Variants in SND1 observed in about 807,000 individuals in gnomAD.
SND1 encodes staphylococcal nuclease domain-containing protein 1.
A neutral mutation model predicts 121.7 loss-of-function variants in SND1; 38 were observed. The ratio of observed to expected loss-of-function variants is 0.31; its 90% CI spans 0.24 to 0.41. The LOEUF (loss-of-function observed/expected upper bound fraction) is 0.41. SND1 is among the 10% of genes least tolerant of loss of function. The pLI, the probability that SND1 is intolerant of heterozygous loss-of-function variation, is 1.00. For synonymous variants in SND1, 401 were observed against 447.4 expected, an observed-to-expected ratio of 0.90 and a Z score of 1.31; for missense variants, 868 against 1,184.6, an observed-to-expected ratio of 0.73 and a Z score of 3.92.
intron 10 of SND1, among the ~76,000 whole-genome samples, chr7:127,735,503 A>G (rs1188570237): frequency 6.6e-6 from 1 of 152,120 alleles, no homozygotes; most frequent in Non-Finnish European, 1.5e-5. Flanking sequence ...GCTTCAGGCT[A>G]GGAGTTCCAG....
At chr7:128,057,571 T>C (rs1793163321) in intron 16 of SND1, among the ~76,000 whole-genome samples, 1 of 152,128 alleles carries the variant, frequency 6.6e-6, no homozygotes, top group Admixed American at 6.5e-5. Flanking sequence ...TACAGATCTC[T>C]AGCCATTTAC....
intron 15 of SND1, among the ~76,000 whole-genome samples, chr7:127,936,712 ATTG>A (rs1477718784): frequency 6.6e-6 from 1 of 151,600 alleles, no homozygotes; most frequent in Non-Finnish European, 1.5e-5. Flanking sequence ...CCTGGCTAAT[ATTG>A]TTTTATTTTT....
At position 128,086,973 on chromosome 7, in the gene SND1, A is replaced by G; in HGVS notation, c.2340A>G (p.Leu780=). The change falls in exon 21 of 24, where the codon CTA becomes CTG. Residue 780 remains leucine (L), a synonymous_variant. Coordinates refer to ENST00000354725, the MANE Select transcript of SND1 (RefSeq NM_014390.4). ...EVLPSTRLGT[L]SPAFSTRVLP... ...TGCCATCCACCCGCCTGGGTACCCT[A>G]TCACCTGCCTTCAGCACTCGGGTGC... 3 of 1,614,166 alleles carry G rather than the reference A, an allele frequency of 1.9e-6. No individual in the cohort carries two copies. Among genetic ancestry groups the G allele is most frequent in the East Asian group, 4.5e-5 (2 of 44,888 alleles).
At chr7:127,819,086 TA>T (rs1233400700) in intron 11 of SND1, among the ~76,000 whole-genome samples, 1 of 152,214 alleles carries the variant, frequency 6.6e-6, no homozygotes, top group Non-Finnish European at 1.5e-5. Context: ...CTTGTGTTTG[TA>T]ATAGTATAGG....
At chr7:127,721,836 G>A (rs1215807037) in intron 10 of SND1, among the ~76,000 whole-genome samples, 7 of 152,276 alleles carry the variant, frequency 4.6e-5, no homozygotes, top group Non-Finnish European at 1.0e-4. Flanking sequence ...ATGAATCTTG[G>A]TATATGTATT....
At chr7:127,888,677 C>G (rs994876173) in intron 13 of SND1, among the ~76,000 whole-genome samples, 2 of 152,134 alleles carry the variant, frequency 1.3e-5, no homozygotes, top group African/African-American at 4.8e-5. Context: ...GATTCCCAGA[C>G]TTCCTGGGAA....
intron 1 of SND1, among the ~76,000 whole-genome samples, chr7:127,660,808 G>C (rs1795295413): frequency 6.6e-6 from 1 of 152,006 alleles, no homozygotes; most frequent in African/African-American, 2.4e-5. Flanking sequence ...ATCCTTTCTG[G>C]GAGTAGATTC....
intron 12 of SND1, among the ~76,000 whole-genome samples, chr7:127,884,226 T>C (rs2116724008): frequency 6.6e-6 from 1 of 152,258 alleles, no homozygotes; most frequent in African/African-American, 2.4e-5. Context: ...TATCTTGTAC[T>C]GTCTTCCCCA....
At chr7:127,786,836 G>T (rs1797822383) in intron 10 of SND1, among the ~76,000 whole-genome samples, 1 of 152,112 alleles carries the variant, frequency 6.6e-6, no homozygotes, top group South Asian at 2.1e-4. Context: ...TAGAGACGGG[G>T]TTTCACCGTG....
At chr7:127,715,879 G>C (rs772862056) in intron 9 of SND1, among the ~76,000 whole-genome samples, 8 of 152,110 alleles carry the variant, frequency 5.3e-5, no homozygotes, top group Non-Finnish European at 1.2e-4. Flanking sequence ...TCCATTTTGA[G>C]TTTGTTTTTA....
rs889135212 is a variant in SND1, at chr7:127,741,529, C to T, written c.1152+20129C>T. On this transcript the variant is annotated intron_variant, in intron 10 of 23. Transcript: ENST00000354725. The stretch of plus-strand genomic sequence containing the variant: ...GGAGTGGAGTGCAGGCCTTGTTGTA[C>T]CGCAGGTGACTCTAATTCTGAAAGA... Among the ~76,000 whole-genome samples the T allele has an allele frequency of 3.6e-4, 55 of 152,160 alleles. 1 individual carries two copies. The highest frequency in any genetic ancestry group is 1.3e-4 in the Admixed American group (2 of 15,270).
At chr7:127,908,317 AATGTGTGTGT>A (rs1329410821) in intron 14 of SND1, among the ~76,000 whole-genome samples, 1 of 78,730 alleles carries the variant, frequency 1.3e-5, no homozygotes, top group Non-Finnish European at 2.5e-5. Context: ...AATAATAATA[AATGTGTGTGT>A]GTGTGTGTGT....
chr7:127,717,200 A>G (rs1587616777), intron 9 of SND1, among the ~76,000 whole-genome samples: 1 of 152,176 alleles, frequency 6.6e-6, no homozygotes, highest in South Asian at 2.1e-4. Flanking sequence ...TATTTTTGTT[A>G]TAGTTAGTAT....
chr7:127,791,871 C>T (rs745430004), intron 10 of SND1, among the ~76,000 whole-genome samples: 7 of 152,162 alleles, frequency 4.6e-5, no homozygotes, highest in African/African-American at 7.2e-5. Flanking sequence ...ATAGTAACCA[C>T]GTTGACACAT....
Position 127,739,689 on chromosome 7 carries a change from G to A in SND1, c.1152+18289G>A, listed in dbSNP as rs539346586. On this transcript the variant is annotated intron_variant, in intron 10 of 23. Transcript: ENST00000354725. ...ACTCCTGATTCCCAGGGACAGCCAT[G>A]GAAGAGATGTAGAAGTAAAATGCCA... Among the ~76,000 whole-genome samples, 5 of 152,320 alleles carry A rather than the reference G, an allele frequency of 3.3e-5. No homozygotes were observed. In the South Asian group the frequency reaches 1.0e-3, roughly 32 times the overall value.
At chr7:127,852,575 T>C (rs1259078724) in intron 12 of SND1, among the ~76,000 whole-genome samples, 2 of 151,816 alleles carry the variant, frequency 1.3e-5, no homozygotes, top group African/African-American at 2.4e-5. Flanking sequence ...TTTGGGAGGC[T>C]GAGGCGGGCA....
At chr7:128,072,217 G>T (rs906376964) in intron 16 of SND1, among the ~76,000 whole-genome samples, 3 of 152,206 alleles carry the variant, frequency 2.0e-5, no homozygotes, top group Admixed American at 6.5e-5. Context: ...CCTCTGCAGC[G>T]TATCTCTGAC....
intron 15 of SND1, among the ~76,000 whole-genome samples, chr7:127,975,404 TAAGA>T (rs910605704): frequency 7.2e-6 from 1 of 139,604 alleles, no homozygotes; most frequent in Non-Finnish European, 1.5e-5. Context: ...TGTGTGTGTG[TAAGA>T]GAGATTGACT....
chr7:127,884,808 T>C (rs1799863367), intron 12 of SND1, among the ~76,000 whole-genome samples: 1 of 152,112 alleles, frequency 6.6e-6, no homozygotes, highest in African/African-American at 2.4e-5. Flanking sequence ...TTCACACAAA[T>C]ACCTAAAATT....
Sources: gnomAD v4.1 joint callset for allele counts (sites outside exome capture counted in the v4.1 genomes callset) on GRCh38, gnomAD v4.1.1 for gene constraint, MANE v1.5 for transcripts, NCBI Gene and HGNC (gene_info 2026-07-23, HGNC 2026-07-21) for gene names.